Variants in CEP95 observed in about 807,000 individuals in gnomAD.
CEP95 encodes the protein centrosomal protein 95.
Under a neutral mutation model 111.2 loss-of-function variants are expected in CEP95, and 98 were observed. The ratio of observed to expected loss-of-function variants is 0.88; its 90% CI spans 0.75 to 1.04. CEP95 has a LOEUF of 1.04. Ranked by LOEUF, CEP95 falls within the 50% of genes least tolerant of loss-of-function variation. CEP95 has a pLI of 0.00. For missense variants in CEP95, 1,027 were observed against 977.2 expected, an observed-to-expected ratio of 1.05 and a Z score of -0.68; for synonymous variants, 323 against 327.1, an observed-to-expected ratio of 0.99 and a Z score of 0.14.
chr17:64,507,556 G>A, intron 1 of CEP95: 1 of 1,047,684 alleles, frequency 9.5e-7, no homozygotes, highest in Non-Finnish European at 1.2e-6. Flanking sequence ...ATATGCCCCT[G>A]TAGAATAGTT....
At chr17:64,521,009 T>C (rs1967290180) in intron 6 of CEP95, among the ~76,000 whole-genome samples, 1 of 152,122 alleles carries the variant, frequency 6.6e-6, no homozygotes, top group Non-Finnish European at 1.5e-5. Flanking sequence ...TTTGGGAGGC[T>C]GAGGTGGGCG....
intron 14 of CEP95, chr17:64,532,287 C>A: frequency 8.5e-7 from 1 of 1,179,538 alleles, no homozygotes; most frequent in South Asian, 3.4e-5. Flanking sequence ...CACTCGTGTG[C>A]TTACTCACTT....
At chr17:64,536,078 A>T (rs1464538278) in intron 17 of CEP95, 13 of 152,326 alleles carry the variant, frequency 8.5e-5, no homozygotes, top group African/African-American at 3.1e-4. Context: ...AGCACTAGTC[A>T]GTATACGGTT....
At chr17:64,535,560 CCTT>C (rs1968592372) in intron 17 of CEP95, 1 of 152,178 alleles carries the variant, frequency 6.6e-6, no homozygotes, top group East Asian at 1.9e-4. Context: ...ATAATGAACA[CCTT>C]CGTCATTAGG....
intron 7 of CEP95, 59 bp downstream of exon 7, chr17:64,521,586 G>A: frequency 6.6e-7 from 1 of 1,519,580 alleles, no homozygotes; most frequent in Non-Finnish European, 8.9e-7. Flanking sequence ...GGCAATTGTT[G>A]TTGCCATTAG....
chr17:64,506,908 G>A, upstream of CEP95: 1 of 688,948 alleles, frequency 1.5e-6, no homozygotes, highest in Admixed American at 2.2e-5. Flanking sequence ...TCCTGTGAAA[G>A]GAAGTGCTCC....
Position 64,519,434 on chromosome 17 carries a change from A to G in CEP95, c.587A>G (p.Asn196Ser), listed in dbSNP as rs1336915931. ...GCACACACCTTTTCTCTAAGAAGTAATGGTGAGTAGTTAAACCTGAAGTAT... is the reference window on the plus strand; with the variant it reads ...GCACACACCTTTTCTCTAAGAAGTAGTGGTGAGTAGTTAAACCTGAAGTAT... ...DTAHTFSLRS[N>S]GAQCPNEMLS... is the part of the protein sequence containing the mutation. The change falls in exon 6 of 20, where the codon AAT (asparagine) becomes AGT (serine). Residue 196 changes from asparagine (N) to serine (S), a missense_variant and splice_region_variant. Asn to Ser is a conservative substitution (Grantham distance 46). Coordinates refer to ENST00000556440, the MANE Select transcript of CEP95 (RefSeq NM_138363.3). 2.5e-6 allele frequency: 4 copies of G among 1,603,354 alleles called. No individual in the cohort carries two copies. Among genetic ancestry groups the G allele is most frequent in the Non-Finnish European group, 3.4e-6 (4 of 1,170,246 alleles).
chr17:64,516,249 C>T (rs2039137579), intron 4 of CEP95, among the ~76,000 whole-genome samples: 1 of 152,148 alleles, frequency 6.6e-6, no homozygotes, highest in Non-Finnish European at 1.5e-5. Flanking sequence ...GTTATAGCTA[C>T]TGGTGAAAGT....
At position 64,522,759 on chromosome 17, in the gene CEP95, G is replaced by C; in HGVS notation, c.773G>C (p.Arg258Pro). The change falls in exon 8 of 20, where the codon CGA (arginine) becomes CCA (proline). Residue 258 changes from arginine (R) to proline (P), a missense_variant. Transcript: ENST00000556440. The stretch of plus-strand genomic sequence containing the variant: ...GCTAGGAAGCTAGGGGAGCCTATCC[G>C]AGCAGCTATTCCTTTACATCCACCC... ...PNARKLGEPI[R>P]AAIPLHPPYH... 6.2e-7 allele frequency: 1 copy of C among 1,613,806 alleles called. No homozygotes were observed. Among genetic ancestry groups the C allele is most frequent in the Non-Finnish European group, 8.5e-7 (1 of 1,179,810 alleles).
intron 11 of CEP95, among the ~76,000 whole-genome samples, chr17:64,527,908 G>A (rs868988434): frequency 1.2e-4 from 16 of 138,178 alleles, no homozygotes; most frequent in South Asian, 2.5e-4. Context: ...ACACACACAC[G>A]CGTGTAGCAC....
At chr17:64,508,270 T>C (rs1378747666) in intron 1 of CEP95, 1 of 986,022 alleles carries the variant, frequency 1.0e-6, no homozygotes. Flanking sequence ...TACTTGTAAA[T>C]ATGTTTTAAC....
intron 5 of CEP95, among the ~76,000 whole-genome samples, chr17:64,517,057 T>C (rs1275529565): frequency 6.6e-6 from 1 of 152,196 alleles, no homozygotes; most frequent in Non-Finnish European, 1.5e-5. Context: ...TCTTTTTTTT[T>C]CTTTTTTGAG....
chr17:64,532,613 C>T, intron 14 of CEP95: 3 of 1,318,534 alleles, frequency 2.3e-6, no homozygotes, highest in South Asian at 1.9e-5. Context: ...ATGGACTTCC[C>T]AGGACCAGCA....
At chr17:64,534,277 C>T (rs974526031) in intron 16 of CEP95, 3 of 289,238 alleles carry the variant, frequency 1.0e-5, no homozygotes, top group Non-Finnish European at 2.0e-5. Context: ...CATTTTCCTA[C>T]TCCTTGTGAG....
chr17:64,515,382 G>GT (rs1243195008), intron 4 of CEP95, among the ~76,000 whole-genome samples: 2 of 152,198 alleles, frequency 1.3e-5, no homozygotes, highest in Non-Finnish European at 2.9e-5. Flanking sequence ...AGTCTTTTTA[G>GT]TAACAGGGTT....
intron 4 of CEP95, among the ~76,000 whole-genome samples, chr17:64,515,018 T>C (rs1555676028): frequency 6.6e-6 from 1 of 152,234 alleles, no homozygotes; most frequent in African/African-American, 2.4e-5. Flanking sequence ...TAGTGAGACC[T>C]GTGATAGTCA....
chr17:64,514,923 A>C (rs2039063800), intron 4 of CEP95: 1 of 152,992 alleles, frequency 6.5e-6, no homozygotes, highest in South Asian at 2.1e-4. Flanking sequence ...ATAAACTTTC[A>C]GCAGCAACCA....
intron 4 of CEP95, 34 bp from the exon 5 acceptor site, chr17:64,516,689 G>GT (rs781963065): frequency 3.7e-6 from 5 of 1,350,928 alleles, no homozygotes; most frequent in Non-Finnish European, 5.2e-6. Flanking sequence ...TCACTTAGGG[G>GT]TTTTTTGGTA....
rs781852974 is a variant in CEP95, at chr17:64,529,391, G to T, written c.1410G>T (p.Lys470Asn). Residue 470 changes from lysine to asparagine, a missense_variant, in exon 12 of 20, where the codon AAG becomes AAT. Transcript: ENST00000556440. ...QFHLERKRQR[K>N]PRETDVRQFQ... Reference sequence around the variant, plus strand: ...ACTTGGAGAGAAAAAGGCAGCGCAAGCCAAGAGAAACAGATGTCCGCCAAT... The same window carrying T: ...ACTTGGAGAGAAAAAGGCAGCGCAATCCAAGAGAAACAGATGTCCGCCAAT... The T allele has an allele frequency of 6.2e-7, 1 of 1,613,856 alleles. No individual in the cohort carries two copies. The highest frequency in any genetic ancestry group is 1.7e-5 in the Admixed American group (1 of 60,008).
Sources: allele counts gnomAD v4.1 joint callset (sites outside exome capture counted in the v4.1 genomes callset), GRCh38; gene constraint gnomAD v4.1.1; transcripts MANE v1.5; gene names NCBI Gene and HGNC (gene_info 2026-07-23, HGNC 2026-07-21).